PSD3: variants seen among roughly 807,000 people sequenced by gnomAD.
PSD3 encodes PH and SEC7 domain-containing protein 3.
In PSD3, 49 loss-of-function variants were observed where a neutral mutation model predicts 105.5. The ratio of observed to expected loss-of-function variants is 0.46; its 90% CI spans 0.37 to 0.59. The LOEUF is 0.59. Ranked by LOEUF, PSD3 falls within the 20% of genes least tolerant of loss-of-function variation. The pLI, the probability that PSD3 is intolerant of heterozygous loss-of-function variation, is 0.00. For synonymous variants in PSD3, 557 were observed against 457.8 expected, an observed-to-expected ratio of 1.22 and a Z score of -2.77; for missense variants, 1,561 against 1,263.8, an observed-to-expected ratio of 1.24 and a Z score of -3.57.
At chr8:18,767,620 G>A (rs1018806000) in intron 8 of PSD3, among the ~76,000 whole-genome samples, 11 of 152,038 alleles carry the variant, frequency 7.2e-5, no homozygotes, top group South Asian at 2.1e-4. Flanking sequence ...AGTGGCGGCC[G>A]CCTGTAACTC....
At chr8:18,557,287 A>G (rs1279512028) in intron 14 of PSD3, among the ~76,000 whole-genome samples, 4 of 152,360 alleles carry the variant, frequency 2.6e-5, no homozygotes, top group East Asian at 3.9e-4. Flanking sequence ...TAGGTGATAA[A>G]TGTATTTTAT....
intron 4 of PSD3, among the ~76,000 whole-genome samples, chr8:18,863,856 G>C (rs1426794251): frequency 6.6e-6 from 1 of 152,140 alleles, no homozygotes; most frequent in Non-Finnish European, 1.5e-5. Flanking sequence ...GGGAAGAACA[G>C]TGTCCCTCTG....
At chr8:18,664,227 G>A (rs1183395029) in intron 9 of PSD3, among the ~76,000 whole-genome samples, 1 of 152,218 alleles carries the variant, frequency 6.6e-6, no homozygotes, top group African/African-American at 2.4e-5. Flanking sequence ...TACGCTGAAG[G>A]TGAGGTTTCT....
At chr8:18,891,154 T>C (rs1383959697) in intron 2 of PSD3, among the ~76,000 whole-genome samples, 2 of 152,198 alleles carry the variant, frequency 1.3e-5, no homozygotes, top group Non-Finnish European at 2.9e-5. Flanking sequence ...AGATATCAGG[T>C]ATACCTAAAT....
rs1455725712 is a variant in PSD3, at chr8:18,867,610, A to C, written c.1634+64T>G. The stretch of plus-strand genomic sequence containing the variant: ...ATTTAAATATATATTCCACACTCAG[A>C]TTTCCCAGAAAAGAAATCCTACAAA... On this transcript the variant is annotated intron_variant, in intron 4 of 15. Coordinates refer to ENST00000327040, the MANE Select transcript of PSD3 (RefSeq NM_015310.4). 55 of 1,516,512 alleles carry C rather than the reference A, an allele frequency of 3.6e-5. 2 individuals carry two copies. The South Asian group carries it at 5.3e-4, about 15-fold the overall frequency. 93.9% of individuals were successfully genotyped at this position (1,516,512 alleles called of 1,614,324 possible). A position where few individuals can be genotyped will look rare whatever the true frequency, so the allele number is the denominator to read the frequency against.
At chr8:18,842,637 G>T (rs1814728472) in intron 4 of PSD3, among the ~76,000 whole-genome samples, 1 of 152,118 alleles carries the variant, frequency 6.6e-6, no homozygotes, top group Non-Finnish European at 1.5e-5. Context: ...GGAGGCTGAG[G>T]CAGGAGAATG....
chr8:18,934,925 C>T (rs1189536272), intron 2 of PSD3, among the ~76,000 whole-genome samples: 1 of 152,184 alleles, frequency 6.6e-6, no homozygotes, highest in African/African-American at 2.4e-5. Flanking sequence ...TTATCTTGTA[C>T]CTCCTTCTAG....
At chr8:18,585,368 A>G (rs1180692730) in intron 12 of PSD3, among the ~76,000 whole-genome samples, 2 of 152,164 alleles carry the variant, frequency 1.3e-5, no homozygotes, top group African/African-American at 4.8e-5. Context: ...CGCAGGCTAG[A>G]GTGCAATGAC....
At chr8:19,051,746 G>T (rs1425401047) in intron 1 of PSD3, among the ~76,000 whole-genome samples, 1 of 152,174 alleles carries the variant, frequency 6.6e-6, no homozygotes, top group East Asian at 1.9e-4. Flanking sequence ...TGCTGGCAGG[G>T]GTTACATTTG....
chr8:18,999,017 A>G (rs1439232743), intron 1 of PSD3, among the ~76,000 whole-genome samples: 1 of 151,944 alleles, frequency 6.6e-6, no homozygotes, highest in Non-Finnish European at 1.5e-5. Context: ...AGGAAAGCAA[A>G]ATAATCTCAG....
intron 15 of PSD3, among the ~76,000 whole-genome samples, chr8:18,546,511 C>G (rs1000280567): frequency 3.3e-5 from 5 of 152,040 alleles, no homozygotes; most frequent in Admixed American, 6.6e-5. Context: ...AGGTGTAAAA[C>G]AAACACTAGG....
chr8:18,932,750 C>T (rs1821827407), intron 2 of PSD3, among the ~76,000 whole-genome samples: 1 of 152,194 alleles, frequency 6.6e-6, no homozygotes, highest in South Asian at 2.1e-4. Flanking sequence ...TCTTTCTGAA[C>T]TTATCTCTCA....
rs527332108 is a variant in PSD3 at position 18,616,662 on chromosome 8, C to T, written c.2410+15951G>A. Among the ~76,000 whole-genome samples, 628 of 134,222 alleles carry T rather than the reference C, an allele frequency of 4.7e-3. 3 individuals carry two copies. Among genetic ancestry groups the T allele is most frequent in the Non-Finnish European group, 7.9e-3 (505 of 63,678 alleles). The allele number at this position is 134,222 out of a possible 152,430, so 88.1% of individuals were successfully genotyped here. A position where few individuals can be genotyped will look rare whatever the true frequency, so the allele number is the denominator to read the frequency against. Reference sequence around the variant, plus strand: ...TTTTTGAGACGGAGTCTCGCTCTGTCGCCCAGGCTGGAGTGCAGTGGCGGG... The same window carrying T: ...TTTTTGAGACGGAGTCTCGCTCTGTTGCCCAGGCTGGAGTGCAGTGGCGGG... On this transcript the variant is annotated intron_variant, in intron 11 of 15. Coordinates refer to ENST00000327040, the MANE Select transcript of PSD3 (RefSeq NM_015310.4).
intron 9 of PSD3, among the ~76,000 whole-genome samples, chr8:18,748,820 AAG>A (rs1372663960): frequency 1.1e-4 from 16 of 152,256 alleles, no homozygotes; most frequent in African/African-American, 3.9e-4. Flanking sequence ...CATCCACCTA[AAG>A]TAGGGTACAA....
At chr8:18,758,344 A>G (rs1027494664) in intron 9 of PSD3, among the ~76,000 whole-genome samples, 1 of 151,980 alleles carries the variant, frequency 6.6e-6, no homozygotes, top group African/African-American at 2.4e-5. Flanking sequence ...TGTCAGTGTT[A>G]AATTTCCAAT....
chr8:18,768,159 G>A (rs564383849), intron 8 of PSD3, among the ~76,000 whole-genome samples: 75 of 150,290 alleles, frequency 5.0e-4, no homozygotes, highest in Non-Finnish European at 9.3e-4. Flanking sequence ...CATGGCGGGC[G>A]CCTGTAATCC....
intron 4 of PSD3, among the ~76,000 whole-genome samples, chr8:18,833,383 T>C (rs1245536641): frequency 2.0e-5 from 3 of 152,176 alleles, no homozygotes; most frequent in African/African-American, 7.2e-5. Context: ...TCCCTTTGCT[T>C]GAGGTCCATC....
chr8:18,823,509 C>T (rs1022768703), intron 4 of PSD3, among the ~76,000 whole-genome samples: 2 of 152,190 alleles, frequency 1.3e-5, no homozygotes, highest in African/African-American at 2.4e-5. Context: ...GATGATCAAA[C>T]CGCCTTCTGG....
intron 9 of PSD3, among the ~76,000 whole-genome samples, chr8:18,703,375 A>C (rs545189590): frequency 5.5e-4 from 84 of 152,184 alleles, no homozygotes; most frequent in Non-Finnish European, 1.0e-3. Flanking sequence ...AAGGTATGAA[A>C]AGGTGCTCAT....
Sources: gnomAD v4.1 joint callset for allele counts (sites outside exome capture counted in the v4.1 genomes callset) on GRCh38, gnomAD v4.1.1 for gene constraint, MANE v1.5 for transcripts, NCBI Gene and HGNC (gene_info 2026-07-23, HGNC 2026-07-21) for gene names.